The following ARHGEF37 variants were observed in gnomAD, a reference collection of about 807,000 sequenced individuals.
ARHGEF37 encodes the protein Rho guanine nucleotide exchange factor (GEF) 37.
ARHGEF37 carries 55 observed loss-of-function variants against 71.1 expected under a neutral mutation model. The ratio of observed to expected loss-of-function variants is 0.77; its 90% CI spans 0.62 to 0.97. The LOEUF (loss-of-function observed/expected upper bound fraction) is 0.97. ARHGEF37 is among the 50% of genes least tolerant of loss of function. The probability of loss-of-function intolerance (pLI) is 0.00; values close to 1 mark genes in which losing one functional copy is unlikely to be tolerated. For synonymous variants in ARHGEF37, 327 were observed against 350.6 expected (o/e 0.93, Z 0.75); for missense variants, 765 against 836.8 (o/e 0.91, Z 1.06).
rs190351534 is a variant in ARHGEF37, at chr5:149,557,919, G to A, written c.-12+5796G>A. 5.0e-4 allele frequency among the ~76,000 whole-genome samples: 74 copies of A among 147,686 alleles called. 1 individual carries two copies. The highest frequency in any genetic ancestry group is 3.6e-3 in the Middle Eastern group (1 of 280). Reference sequence around the variant, plus strand: ...CTCACTCTGTCGCCCAGGCTGGAGTGCAATGGCACGATCTTGGCCCACTGC... The same window carrying A: ...CTCACTCTGTCGCCCAGGCTGGAGTACAATGGCACGATCTTGGCCCACTGC... On this transcript the variant is annotated intron_variant, in intron 1 of 2. Coordinates refer to the ARHGEF37 transcript ENST00000505810.
chr5:149,596,704 C>T (rs535348758), intron 1 of ARHGEF37, among the ~76,000 whole-genome samples: 4 of 152,118 alleles, frequency 2.6e-5, no homozygotes, highest in South Asian at 4.1e-4. Context: ...TCAAGAGTAG[C>T]CTTAGAGAAG....
At position 149,609,654 on chromosome 5, in the gene ARHGEF37, G is replaced by A. The variant is rs75799689; in HGVS notation, c.417G>A (p.Pro139=). The A allele has an allele frequency of 9.9e-3, 16,034 of 1,612,734 alleles. 114 individuals carry two copies. The highest frequency in any genetic ancestry group is 0.012 in the Non-Finnish European group (14,482 of 1,180,024). The change falls in exon 4 of 13, where the codon CCG becomes CCA. Residue 139 remains proline, a synonymous_variant. Transcript: ENST00000333677. The part of the protein sequence containing the change: ...LLLVDTYRKE[P]ELQRHIQGIV... ...TGGTGGACACGTACCGGAAGGAGCCGGAGCTGCAGCGGCACATCCAGGGCA... is the reference window on the plus strand; with the variant it reads ...TGGTGGACACGTACCGGAAGGAGCCAGAGCTGCAGCGGCACATCCAGGGCA...
At chr5:149,553,142 T>C (rs185515565) in intron 1 of ARHGEF37, among the ~76,000 whole-genome samples, 58 of 152,306 alleles carry the variant, frequency 3.8e-4, no homozygotes, top group African/African-American at 1.4e-3. Context: ...CTCACACCTG[T>C]AATCCCAGCA....
At chr5:149,553,345 A>T (rs1580875629) in intron 1 of ARHGEF37, among the ~76,000 whole-genome samples, 1 of 152,202 alleles carries the variant, frequency 6.6e-6, no homozygotes, top group South Asian at 2.1e-4. Context: ...GGTTACAGTG[A>T]GCCGAGATCG....
Position 149,595,789 on chromosome 5 carries a change from G to A in ARHGEF37, c.-11-1970G>A, listed in dbSNP as rs1763527795. 3.3e-5 allele frequency among the ~76,000 whole-genome samples: 5 copies of A among 151,966 alleles called. No individual in the cohort carries two copies. In the South Asian group the frequency reaches 8.3e-4, roughly 25 times the overall value. The stretch of plus-strand genomic sequence containing the variant: ...TTTTTGTATAAATTTATCAGCTTTG[G>A]GCCACCTGGACCACATGTGTAGCAT... On this transcript the variant is annotated intron_variant, in intron 1 of 12. Transcript: ENST00000333677.
Position 149,610,710 on chromosome 5 carries a change from G to T in ARHGEF37, c.458+1015G>T, listed in dbSNP as rs545176169. On this transcript the variant is annotated intron_variant, in intron 4 of 12. Coordinates refer to ENST00000333677, the MANE Select transcript of ARHGEF37 (RefSeq NM_001001669.3). ...AAGAGTCACAAAATATATTTCTACA[G>T]TTTACAGATATAAAGGGAAGCAAGG... Among the ~76,000 whole-genome samples the T allele has an allele frequency of 1.4e-4, 21 of 152,248 alleles. No homozygotes were observed. The South Asian group carries it at 4.1e-3, about 30-fold the overall frequency.
chr5:149,570,368 G>A (rs1762947910), intron 1 of ARHGEF37, among the ~76,000 whole-genome samples: 1 of 151,640 alleles, frequency 6.6e-6, no homozygotes, highest in Non-Finnish European at 1.5e-5. Context: ...GAGGTCAGGA[G>A]TTTGAGACCA....
upstream of ARHGEF37, among the ~76,000 whole-genome samples, chr5:149,579,268 T>C (rs965146843): frequency 2.0e-5 from 3 of 152,174 alleles, no homozygotes; most frequent in South Asian, 6.2e-4. Context: ...AACTGAGGCG[T>C]TGAGCACTCA....
At chr5:149,605,278 T>A (rs1213203838) in intron 3 of ARHGEF37, among the ~76,000 whole-genome samples, 1 of 151,926 alleles carries the variant, frequency 6.6e-6, no homozygotes, top group Non-Finnish European at 1.5e-5. Flanking sequence ...AGCTGCAAAT[T>A]TTTTAAATTT....
intron 3 of ARHGEF37, 22 bp from the exon 4 acceptor site, chr5:149,609,526 C>G (rs754475840): frequency 8.1e-6 from 13 of 1,613,092 alleles, no homozygotes; most frequent in Non-Finnish European, 5.9e-6. Context: ...TTGACGACCC[C>G]TTGTTGCGTC....
rs570750342 is a variant in ARHGEF37 at position 149,563,946 on chromosome 5, A to ATTT, written c.-12+11847_-12+11849dup. On this transcript the variant is annotated intron_variant, in intron 1 of 2. Transcript: ENST00000505810. ...CACGCATAGGTAATAATTAGTTTAA[A>ATTT]TTTTTTTTTTTTTTTTTTTTTTTTT... is the stretch of plus-strand genomic sequence containing the variant. Among the ~76,000 whole-genome samples, 240 of 124,866 alleles carry ATTT rather than the reference A, an allele frequency of 1.9e-3. 7 individuals are homozygous for ATTT. Among genetic ancestry groups the ATTT allele is most frequent in the African/African-American group, 7.2e-3 (219 of 30,610 alleles). 81.9% of individuals were successfully genotyped at this position (124,866 alleles called of 152,430 possible).
intron 9 of ARHGEF37, among the ~76,000 whole-genome samples, 160 bp downstream of exon 9, chr5:149,622,222 C>T (rs574582389): frequency 1.1e-4 from 17 of 152,342 alleles, no homozygotes; most frequent in African/African-American, 4.1e-4. Context: ...CCAGATCTCT[C>T]TCATGCCCAG....
intron 12 of ARHGEF37, among the ~76,000 whole-genome samples, chr5:149,630,431 T>C (rs1310009346): frequency 6.6e-6 from 1 of 152,108 alleles, no homozygotes; most frequent in Non-Finnish European, 1.5e-5. Flanking sequence ...CTGGACAGAA[T>C]CGGATGCCTC....
intron 12 of ARHGEF37, among the ~76,000 whole-genome samples, chr5:149,629,615 G>A (rs1467631037): frequency 6.6e-6 from 1 of 152,234 alleles, no homozygotes; most frequent in African/African-American, 2.4e-5. Flanking sequence ...GGCCGGAGAA[G>A]AAAGGGGACA....
At position 149,627,167 on chromosome 5, in the gene ARHGEF37, G is replaced by T; in HGVS notation, c.1556G>T (p.Gly519Val). The change falls in exon 11 of 13, where the codon GGG becomes GTG. Residue 519 changes from glycine (G) to valine (V), a missense_variant. Coordinates refer to ENST00000333677, the MANE Select transcript of ARHGEF37 (RefSeq NM_001001669.3). ...TACCAGGTGACAAGCAACATCAGTG[G>T]GACTGGGACTCTGGACCTGACTCTG... ...KLYQVTSNIS[G>V]TGTLDLTLPR... 6.2e-7 allele frequency: 1 copy of T among 1,614,148 alleles called. No individual in the cohort carries two copies. The highest frequency in any genetic ancestry group is 8.5e-7 in the Non-Finnish European group (1 of 1,180,034).
At chr5:149,555,130 C>CATCAAAAA (rs1762736249) in intron 1 of ARHGEF37, among the ~76,000 whole-genome samples, 1 of 55,982 alleles carries the variant, frequency 1.8e-5, no homozygotes, top group African/African-American at 6.9e-5. Context: ...GACTCTGTCT[C>CATCAAAAA]AAAAAAAAAA....
At chr5:149,587,635 C>G (rs1763272851) in intron 1 of ARHGEF37, among the ~76,000 whole-genome samples, 1 of 152,176 alleles carries the variant, frequency 6.6e-6, no homozygotes, top group Non-Finnish European at 1.5e-5. Flanking sequence ...AAAGCACTGC[C>G]ACCAAATAGT....
At position 149,624,091 on chromosome 5, in the gene ARHGEF37, G is replaced by A. The variant is rs372584659; in HGVS notation, c.1415G>A (p.Arg472His). Residue 472 changes from arginine (R) to histidine (H), a missense_variant, in exon 10 of 13, where the codon CGC becomes CAC. By Grantham distance (29) the Arg-to-His change is conservative. Around this residue, in one of 5 missense-constraint regions of ARHGEF37, gnomAD observed 390 missense variants for 407.4 expected, o/e 0.96. Coordinates refer to ENST00000333677, the MANE Select transcript of ARHGEF37 (RefSeq NM_001001669.3). The stretch of plus-strand genomic sequence containing the variant: ...CTGGGCCGGACGAGTAACCAGCTTC[G>A]CTCCTTTCAAGAGACCTTTGAGAAA... ...DALGRTSNQL[R>H]SFQETFEKVQ... 99 of 1,611,768 alleles carry A rather than the reference G, an allele frequency of 6.1e-5. No homozygotes were observed. The highest frequency in any genetic ancestry group is 7.7e-5 in the Non-Finnish European group (91 of 1,178,216).
intron 1 of ARHGEF37, among the ~76,000 whole-genome samples, chr5:149,553,835 G>A (rs143208714): frequency 3.1e-4 from 47 of 152,240 alleles, no homozygotes; most frequent in Non-Finnish European, 4.3e-4. Flanking sequence ...AAAAGGTGCC[G>A]ATGGTAGATG....
Sources: gnomAD v4.1 joint callset for allele counts (sites outside exome capture counted in the v4.1 genomes callset) on GRCh38, gnomAD v4.1.1 for gene constraint, gnomAD v4.1.1 regional missense constraint, MANE v1.5 for transcripts, NCBI Gene and HGNC (gene_info 2026-07-23, HGNC 2026-07-21) for gene names.